ZNF280C: variants seen among roughly 807,000 people sequenced by gnomAD.
ZNF280C encodes suppressor of hairy wing homolog 3.
ZNF280C carries 14 observed loss-of-function variants against 53.6 expected under a neutral mutation model. The observed-to-expected ratio is 0.26, with a 90% CI of 0.17 to 0.41. ZNF280C has a LOEUF of 0.41. Ranked by LOEUF, ZNF280C falls within the 10% of genes least tolerant of loss-of-function variation. The pLI, the probability that ZNF280C is intolerant of heterozygous loss-of-function variation, is 1.00. For synonymous variants in ZNF280C, 203 were observed against 181.1 expected, an observed-to-expected ratio of 1.12 and a Z score of -0.97; for missense variants, 416 against 547.1, an observed-to-expected ratio of 0.76 and a Z score of 2.39.
chrX:130,254,268 G>T (rs1248085259), intron 2 of ZNF280C, among the ~76,000 whole-genome samples: 2 of 111,883 alleles, frequency 1.8e-5, no homozygotes, highest in African/African-American at 3.3e-5. Context: ...CAGATGCTGG[G>T]GAGGTTGCAG....
At chrX:130,227,208 T>G (rs1309845031) in intron 11 of ZNF280C, among the ~76,000 whole-genome samples, 1 of 111,877 alleles carries the variant, frequency 8.9e-6, no homozygotes, top group Non-Finnish European at 1.9e-5. Context: ...AAGCTTTTCC[T>G]GCTATATAAA....
intron 16 of ZNF280C, among the ~76,000 whole-genome samples, chrX:130,206,664 C>T (rs2124695235): frequency 8.9e-6 from 1 of 111,951 alleles, no homozygotes; most frequent in African/African-American, 3.2e-5. Flanking sequence ...CCGTGCCTGG[C>T]TACTTCTCTA....
intron 11 of ZNF280C, among the ~76,000 whole-genome samples, chrX:130,227,300 C>T (rs2032230703): frequency 8.9e-6 from 1 of 112,101 alleles, no homozygotes; most frequent in Admixed American, 9.5e-5. Context: ...TTCCTCGTTA[C>T]TGGAAGCCAC....
chrX:130,234,378 A>G (rs1297832171), intron 8 of ZNF280C, among the ~76,000 whole-genome samples: 1 of 111,993 alleles, frequency 8.9e-6, no homozygotes, highest in Non-Finnish European at 1.9e-5. Flanking sequence ...CAACACCATG[A>G]AACAGAATTG....
Position 130,228,966 on chromosome X carries a change from C to G in ZNF280C, c.1147+11G>C. 1 of 1,135,504 alleles carries G rather than the reference C, an allele frequency of 8.8e-7. No individual in the cohort carries two copies. Among genetic ancestry groups the G allele is most frequent in the Middle Eastern group, 2.6e-4 (1 of 3,860 alleles). The allele number at this position is 1,135,504 out of a possible 1,213,427, so 93.6% of individuals were successfully genotyped here. A position where few individuals can be genotyped will look rare whatever the true frequency, so the allele number is the denominator to read the frequency against. On this transcript the variant is annotated intron_variant, in intron 10 of 18. Coordinates refer to ENST00000370978, the MANE Select transcript of ZNF280C (RefSeq NM_017666.5). The stretch of plus-strand genomic sequence containing the variant: ...AACAATATTCAGGATTCCAAAGAAA[C>G]TTTCACTTACTAGAAAACTCATGGG...
intron 12 of ZNF280C, among the ~76,000 whole-genome samples, chrX:130,222,010 C>T (rs2032169610): frequency 9.0e-6 from 1 of 111,002 alleles, no homozygotes; most frequent in Admixed American, 9.6e-5. Context: ...TGTGCTCCAG[C>T]CACACTGGTC....
chrX:130,220,266 C>G lies in ZNF280C; in HGVS notation c.1527+83G>C, dbSNP rs1160681. 9.5e-4 allele frequency: 862 copies of G among 904,739 alleles called. 9 individuals carry two copies. In the African/African-American group the frequency reaches 0.017, roughly 18 times the overall value. The allele number at this position is 904,739 out of a possible 1,213,427, so 74.6% of individuals were successfully genotyped here. A position where few individuals can be genotyped will look rare whatever the true frequency, so the allele number is the denominator to read the frequency against. ...GAGCTTTCTAACACTAGATCTTATT[C>G]CTTCTATCCATAATAAAAAAAAAAA... On this transcript the variant is annotated intron_variant, in intron 13 of 18. Coordinates refer to ENST00000370978, the MANE Select transcript of ZNF280C (RefSeq NM_017666.5).
intron 12 of ZNF280C, 118 bp downstream of exon 12, chrX:130,226,641 C>A (rs2032223497): frequency 1.3e-6 from 1 of 751,586 alleles, no homozygotes; most frequent in African/African-American, 2.2e-5. Flanking sequence ...CTGTCCAGAA[C>A]AAATCTAACC....
chrX:130,244,932 A>G (rs1305536620), intron 3 of ZNF280C, among the ~76,000 whole-genome samples: 1 of 111,537 alleles, frequency 9.0e-6, no homozygotes, highest in African/African-American at 3.3e-5. Flanking sequence ...AAAGAAAAAT[A>G]TCCTCAAACA....
intron 2 of ZNF280C, among the ~76,000 whole-genome samples, chrX:130,254,814 G>A (rs2032548778): frequency 9.1e-6 from 1 of 110,420 alleles, no homozygotes; most frequent in Non-Finnish European, 1.9e-5. Context: ...TGAGTACTAG[G>A]CTTAATACCT....
chrX:130,227,600 T>G (rs891874746), intron 11 of ZNF280C, 82 bp downstream of exon 11: 1 of 764,176 alleles, frequency 1.3e-6, no homozygotes, highest in Non-Finnish European at 2.0e-6. Context: ...TAAATGGCTT[T>G]AAAAAATCAA....
At chrX:130,227,610 A>G (rs1299581350) in intron 11 of ZNF280C, 72 bp downstream of exon 11, 1 of 793,483 alleles carries the variant, frequency 1.3e-6, no homozygotes, top group Non-Finnish European at 1.9e-6. Context: ...TAAAAAATCA[A>G]AAGAACAATA....
intron 2 of ZNF280C, among the ~76,000 whole-genome samples, chrX:130,249,824 C>T (rs1034449056): frequency 3.6e-5 from 4 of 111,295 alleles, no homozygotes; most frequent in African/African-American, 1.3e-4. Flanking sequence ...GCTGAAAGGA[C>T]AGAAAAAAGA....
intron 15 of ZNF280C, among the ~76,000 whole-genome samples, chrX:130,211,233 G>A (rs1337662941): frequency 1.8e-5 from 2 of 112,622 alleles, no homozygotes; most frequent in African/African-American, 6.4e-5. Flanking sequence ...CAGAAGAGCA[G>A]AATGTTACGG....
chrX:130,230,484 A>T, intron 9 of ZNF280C, 26 bp downstream of exon 9: 2 of 1,076,433 alleles, frequency 1.9e-6, no homozygotes, highest in South Asian at 4.2e-5. Context: ...ACTTTCAAAC[A>T]GAAATAAAAA....
intron 9 of ZNF280C, 25 bp downstream of exon 9, chrX:130,230,483 CAG>C (rs751023576): frequency 8.4e-6 from 9 of 1,073,516 alleles, no homozygotes; most frequent in Non-Finnish European, 1.1e-5. Flanking sequence ...AACTTTCAAA[CAG>C]AAATAAAAAT....
At chrX:130,268,618 C>T (rs1210311295) in intron 1 of ZNF280C, 144 bp downstream of exon 1, 1 of 112,127 alleles carries the variant, frequency 8.9e-6, no homozygotes, top group Non-Finnish European at 1.9e-5. Context: ...CTGTCCCCTC[C>T]CCCGCACCCC....
intron 15 of ZNF280C, among the ~76,000 whole-genome samples, chrX:130,214,316 A>C (rs1395404667): frequency 8.9e-6 from 1 of 111,823 alleles, no homozygotes; most frequent in African/African-American, 3.3e-5. Context: ...GAATCAATGC[A>C]TGAAAAGGAA....
At chrX:130,227,853 C>A (rs746809149) in intron 10 of ZNF280C, 71 bp from the exon 11 acceptor site, 1 of 557,200 alleles carries the variant, frequency 1.8e-6, no homozygotes, top group East Asian at 3.5e-5. Context: ...TGTACATCCA[C>A]AACAAGTAAT....
Sources: allele counts gnomAD v4.1 joint callset (sites outside exome capture counted in the v4.1 genomes callset), GRCh38; gene constraint gnomAD v4.1.1; transcripts MANE v1.5; gene names NCBI Gene and HGNC (gene_info 2026-07-23, HGNC 2026-07-21).